NUDT9: variants seen among roughly 807,000 people sequenced by gnomAD.
The protein encoded by NUDT9 is ADP-ribose pyrophosphatase.
A neutral mutation model predicts 41.0 loss-of-function variants in NUDT9; 31 were observed. The observed-to-expected ratio is 0.76, with a 90% CI of 0.57 to 1.02. The LOEUF is 1.02. Ranked by LOEUF, NUDT9 falls within the 50% of genes least tolerant of loss-of-function variation. The probability of loss-of-function intolerance (pLI) is 0.00; values close to 1 mark genes in which losing one functional copy is unlikely to be tolerated. For synonymous variants in NUDT9, 146 were observed against 147.6 expected (o/e 0.99, Z 0.08); for missense variants, 380 against 431.4 (o/e 0.88, Z 1.06).
intron 4 of NUDT9, 132 bp downstream of exon 4, chr4:87,442,047 G>A (rs1722226022): frequency 1.6e-6 from 1 of 627,296 alleles, no homozygotes; most frequent in African/African-American, 1.9e-5. Context: ...ATATATGTAT[G>A]TATACAGTCA....
At chr4:87,437,369 C>T (rs898250509) in intron 2 of NUDT9, among the ~76,000 whole-genome samples, 3 of 150,734 alleles carry the variant, frequency 2.0e-5, no homozygotes, top group African/African-American at 7.3e-5. Flanking sequence ...GAGATGGAGT[C>T]TCGCTCTGTC....
chr4:87,438,731 C>T (rs1722066234), intron 3 of NUDT9, among the ~76,000 whole-genome samples: 1 of 152,140 alleles, frequency 6.6e-6, no homozygotes, highest in African/African-American at 2.4e-5. Context: ...TTTATCCAAA[C>T]ATGTAAGAGT....
intron 1 of NUDT9, among the ~76,000 whole-genome samples, chr4:87,426,255 AC>A (rs67210879): frequency 0.096 from 14,674 of 152,216 alleles, 1,023 homozygotes; most frequent in East Asian, 0.29. Flanking sequence ...AATGCATAAA[AC>A]ATATGAATGA....
rs549189089 is a variant in NUDT9, at chr4:87,422,723, T to G, written c.-183T>G. 3 of 482,912 alleles carry G rather than the reference T, an allele frequency of 6.2e-6. No individual in the cohort carries two copies. The East Asian group carries it at 1.0e-4, about 17-fold the overall frequency. The allele number at this position is 482,912 out of a possible 1,614,324, so 29.9% of individuals were successfully genotyped here. ...TGGGGAAAGCGGTGGACTCTTATCG[T>G]GGGAGGGCTCTTGATCTGTGATTTA... On this transcript the variant is annotated 5_prime_UTR_variant, in exon 1 of 8. Transcript: ENST00000302174.
intron 4 of NUDT9, among the ~76,000 whole-genome samples, chr4:87,444,127 C>G (rs1722340507): frequency 6.6e-6 from 1 of 152,026 alleles, no homozygotes; most frequent in Admixed American, 6.6e-5. Flanking sequence ...AATTTCTTTG[C>G]TGACCATCTG....
chr4:87,438,544 T>G (rs1294974843), intron 3 of NUDT9, among the ~76,000 whole-genome samples, 172 bp downstream of exon 3: 1 of 152,086 alleles, frequency 6.6e-6, no homozygotes, highest in Non-Finnish European at 1.5e-5. Flanking sequence ...AATTGAATTT[T>G]ACAGATAAGG....
At position 87,433,777 on chromosome 4, in the gene NUDT9, G is replaced by T. The variant is rs1578068177; in HGVS notation, c.108-1204G>T. Reference sequence around the variant, plus strand: ...TATATGCTGTGTGGTTAGGGTGAAGGTTAGTTGGTTTTTCTTTTGCATATG... The same window carrying T: ...TATATGCTGTGTGGTTAGGGTGAAGTTTAGTTGGTTTTTCTTTTGCATATG... On this transcript the variant is annotated intron_variant, in intron 1 of 7. Transcript: ENST00000302174. 2.6e-5 allele frequency among the ~76,000 whole-genome samples: 4 copies of T among 152,268 alleles called. No homozygotes were observed. In the East Asian group the frequency reaches 7.7e-4, roughly 29 times the overall value.
chr4:87,440,066 G>A (rs529735469), intron 3 of NUDT9, among the ~76,000 whole-genome samples: 1 of 152,212 alleles, frequency 6.6e-6, no homozygotes, highest in Admixed American at 6.5e-5. Context: ...GTCTTTTTAA[G>A]TCAAATTCTC....
intron 1 of NUDT9, among the ~76,000 whole-genome samples, chr4:87,428,616 C>G (rs568999220): frequency 6.6e-6 from 1 of 152,242 alleles, no homozygotes; most frequent in African/African-American, 2.4e-5. Context: ...ATATTATTAA[C>G]TGAAGGAAAG....
At chr4:87,433,266 C>G (rs922772642) in intron 1 of NUDT9, among the ~76,000 whole-genome samples, 5 of 152,160 alleles carry the variant, frequency 3.3e-5, no homozygotes, top group African/African-American at 1.2e-4. Flanking sequence ...CATCCAAGAT[C>G]ATTGATTGCT....
rs769867748 is a variant in NUDT9 at position 87,435,250 on chromosome 4, A to G, written c.347+30A>G. The G allele has an allele frequency of 1.6e-5, 25 of 1,573,304 alleles. No individual in the cohort carries two copies. The highest frequency in any genetic ancestry group is 1.9e-5 in the Non-Finnish European group (22 of 1,161,996). ...GCAAATAAGACAGCGTTAGCTGGGA[A>G]TAAGACTTTTAGAGAAGGTAATGGT... is the stretch of plus-strand genomic sequence containing the variant. On this transcript the variant is annotated intron_variant, in intron 2 of 7. Transcript: ENST00000302174.
At chr4:87,450,335 A>G (rs1254472549) in intron 5 of NUDT9, among the ~76,000 whole-genome samples, 1 of 151,584 alleles carries the variant, frequency 6.6e-6, no homozygotes. Context: ...TAAGGATCTC[A>G]GCCGACTCTG....
chr4:87,456,369 C>T (rs780453199), intron 7 of NUDT9, among the ~76,000 whole-genome samples: 3 of 152,128 alleles, frequency 2.0e-5, no homozygotes, highest in Admixed American at 6.5e-5. Context: ...GGAAATCCAG[C>T]GGGGGCTGGA....
At chr4:87,428,540 T>C (rs1342203679) in intron 1 of NUDT9, among the ~76,000 whole-genome samples, 1 of 150,888 alleles carries the variant, frequency 6.6e-6, no homozygotes, top group Non-Finnish European at 1.5e-5. Flanking sequence ...TGGGATATTA[T>C]ATTATTTAGT....
chr4:87,458,652 C>CT lies in NUDT9; in HGVS notation c.*632dup, dbSNP rs1252543044. The CT allele has an allele frequency of 1.3e-5, 2 of 152,110 alleles. No homozygotes were observed. Among genetic ancestry groups the CT allele is most frequent in the African/African-American group, 4.8e-5 (2 of 41,414 alleles). The allele number at this position is 152,110 out of a possible 1,614,324, so 9.4% of individuals were successfully genotyped here. On this transcript the variant is annotated 3_prime_UTR_variant, in exon 8 of 8. Coordinates refer to ENST00000302174, the MANE Select transcript of NUDT9 (RefSeq NM_024047.5). ...AAATCAGTGAACAAGAGCTGATACT[C>CT]TCATTTTCAAAAATTCTGAATTAAA...
At position 87,422,853 on chromosome 4, in the gene NUDT9, G is replaced by A; in HGVS notation, c.-53G>A. 7.0e-7 allele frequency: 1 copy of A among 1,421,450 alleles called. No homozygotes were observed. The highest frequency in any genetic ancestry group is 9.8e-7 in the Non-Finnish European group (1 of 1,024,704). 88.1% of individuals were successfully genotyped at this position (1,421,450 alleles called of 1,614,324 possible). A position where few individuals can be genotyped will look rare whatever the true frequency, so the allele number is the denominator to read the frequency against. Reference sequence around the variant, plus strand: ...TCGGAGCTGTGGGGTGTGGGGAGGCGGAGGCACCAACTAAGAGCGACCTAG... The same window carrying A: ...TCGGAGCTGTGGGGTGTGGGGAGGCAGAGGCACCAACTAAGAGCGACCTAG... On this transcript the variant is annotated 5_prime_UTR_variant, in exon 1 of 8. Transcript: ENST00000302174.
intron 6 of NUDT9, among the ~76,000 whole-genome samples, chr4:87,452,809 G>GTTTT (rs376368372): frequency 8.1e-5 from 9 of 110,870 alleles, no homozygotes; most frequent in South Asian, 3.1e-4. Context: ...AAATAACAGA[G>GTTTT]TTTTTTTTTT....
At chr4:87,435,505 T>C (rs1391718648) in intron 2 of NUDT9, among the ~76,000 whole-genome samples, 1 of 152,242 alleles carries the variant, frequency 6.6e-6, no homozygotes, top group African/African-American at 2.4e-5. Context: ...GGTACTGTTA[T>C]ATTTGTTTTG....
chr4:87,425,245 G>A (rs979827756), intron 1 of NUDT9, among the ~76,000 whole-genome samples: 1 of 151,906 alleles, frequency 6.6e-6, no homozygotes, highest in Admixed American at 6.6e-5. Context: ...ACTATCAGTA[G>A]GATCAGAGTA....
Sources: gnomAD v4.1 joint callset for allele counts (sites outside exome capture counted in the v4.1 genomes callset) on GRCh38, gnomAD v4.1.1 for gene constraint, MANE v1.5 for transcripts, NCBI Gene and HGNC (gene_info 2026-07-23, HGNC 2026-07-21) for gene names.